PRMT2: variants seen among roughly 807,000 people sequenced by gnomAD.
PRMT2 encodes protein arginine N-methyltransferase 2.
In PRMT2, 26 loss-of-function variants were observed where a neutral mutation model predicts 57.6. The observed-to-expected ratio is 0.45, with a 90% CI of 0.33 to 0.63. PRMT2 has a LOEUF of 0.63. Ranked by LOEUF, PRMT2 falls within the 20% of genes least tolerant of loss-of-function variation. The pLI is 0.02. For missense variants in PRMT2, 472 were observed against 564.4 expected, an observed-to-expected ratio of 0.84 and a Z score of 1.66; for synonymous variants, 219 against 220.0, an observed-to-expected ratio of 1.00 and a Z score of 0.04.
At position 46,660,876 on chromosome 21, in the gene PRMT2, C is replaced by T. The variant is rs763931093; in HGVS notation, c.874C>T (p.His292Tyr). 1.2e-6 allele frequency: 2 copies of T among 1,613,598 alleles called. No homozygotes were observed. Among genetic ancestry groups the T allele is most frequent in the Non-Finnish European group, 1.7e-6 (2 of 1,179,586 alleles). ...KEFFSKPKYN[H>Y]ILKPEDCLSE... Reference sequence around the variant, plus strand: ...GTTTTTTTCAAAGCCCAAGTATAACCACATTTTGAAACCAGAAGACTGTCT... The same window carrying T: ...GTTTTTTTCAAAGCCCAAGTATAACTACATTTTGAAACCAGAAGACTGTCT... The change falls in exon 9 of 12, where the codon CAC becomes TAC. Residue 292 changes from histidine to tyrosine, a missense_variant. Physicochemically the swap from His to Tyr is moderately conservative, Grantham distance 83 (BLOSUM62 2). This residue lies in a region of PRMT2 where 229 missense variants were observed against 217.2 expected (regional missense o/e 1.05). Transcript: ENST00000355680.
At chr21:46,652,880 G>T in intron 7 of PRMT2, 1 of 1,302,438 alleles carries the variant, frequency 7.7e-7, no homozygotes, top group Non-Finnish European at 1.0e-6. Flanking sequence ...CTGAGGCCAC[G>T]CCACGATTTC....
chr21:46,649,491 C>T lies in PRMT2; in HGVS notation c.490-84C>T, dbSNP rs113148636. On this transcript the variant is annotated intron_variant, in intron 6 of 11. Coordinates refer to ENST00000355680, the MANE Select transcript of PRMT2 (RefSeq NM_206962.4). This position sits in a 1 kb window ranked among gnomAD's most constrained non-coding sequence, Gnocchi z 4.8. ...CCCTCTTGTGTCATTGACCATTTCTCGTGATGCTGGTTGTGACTCAGGAGA... is the reference window on the plus strand; with the variant it reads ...CCCTCTTGTGTCATTGACCATTTCTTGTGATGCTGGTTGTGACTCAGGAGA... The T allele has an allele frequency of 3.8e-4, 605 of 1,597,530 alleles. 3 individuals carry two copies. The highest frequency in any genetic ancestry group is 1.8e-3 in the African/African-American group (134 of 74,668).
rs552129038 is a variant in PRMT2, at chr21:46,662,563, C to T, written c.1097+627C>T. The stretch of plus-strand genomic sequence containing the variant: ...GTGGTGGCCCCTCCAGTGCCATCAC[C>T]GGGTGGAGGTGGGCAGCTTGGAGGC... On this transcript the variant is annotated intron_variant, in intron 10 of 11. Transcript: ENST00000355680. Among the ~76,000 whole-genome samples, 12 of 152,274 alleles carry T rather than the reference C, an allele frequency of 7.9e-5. No individual in the cohort carries two copies. The East Asian group carries it at 2.3e-3, about 30-fold the overall frequency.
chr21:46,662,768 G>C (rs537617286), intron 10 of PRMT2, among the ~76,000 whole-genome samples: 4 of 152,190 alleles, frequency 2.6e-5, no homozygotes, highest in Non-Finnish European at 5.9e-5. Flanking sequence ...GAGGAACTTA[G>C]AGATGTTTCC....
At chr21:46,639,522 T>C (rs1414824437) in intron 3 of PRMT2, among the ~76,000 whole-genome samples, 2 of 152,158 alleles carry the variant, frequency 1.3e-5, no homozygotes, top group Non-Finnish European at 2.9e-5. Flanking sequence ...TGTTATTGGG[T>C]GTATATATTT....
At chr21:46,645,635 A>G (rs2061353166) in intron 5 of PRMT2, among the ~76,000 whole-genome samples, 1 of 152,190 alleles carries the variant, frequency 6.6e-6, no homozygotes, top group Non-Finnish European at 1.5e-5. Flanking sequence ...GTTAGTTGAA[A>G]GAAGGAATAG....
intron 8 of PRMT2, chr21:46,659,655 G>A (rs781355843): frequency 2.0e-5 from 20 of 985,332 alleles, no homozygotes; most frequent in Non-Finnish European, 2.4e-5. Context: ...GCCCAGGCTT[G>A]CCTGGCAGTG....
At chr21:46,645,192 T>C (rs556488182) in intron 5 of PRMT2, among the ~76,000 whole-genome samples, 2 of 152,360 alleles carry the variant, frequency 1.3e-5, no homozygotes, top group African/African-American at 2.4e-5. Context: ...GCTCAAGCCT[T>C]GGAGGCCAAG....
intron 8 of PRMT2, 40 bp downstream of exon 8, chr21:46,658,960 C>T (rs754167095): frequency 1.3e-6 from 2 of 1,588,542 alleles, no homozygotes; most frequent in African/African-American, 1.3e-5. Context: ...TCTTGTGGGG[C>T]CTCCTGGTCC....
rs748370714 is a variant in PRMT2 at position 46,663,344 on chromosome 21, T to C, written c.1098-39T>C. ...CCCGAGGGCCATGTGGAGACTGCCC[T>C]AGCTCAGCCTCCAGGTCACACGCAC... is the stretch of plus-strand genomic sequence containing the variant. On this transcript the variant is annotated intron_variant, in intron 10 of 11. Transcript: ENST00000355680. The C allele has an allele frequency of 3.2e-6, 5 of 1,581,574 alleles. No individual in the cohort carries two copies. In the Admixed American group the frequency reaches 5.1e-5, roughly 16 times the overall value.
In PRMT2 at chr21:46,648,947, C is replaced by T. The variant is rs1054213268; in HGVS notation, c.489+328C>T. Among the ~76,000 whole-genome samples the T allele has an allele frequency of 2.0e-5, 3 of 152,202 alleles. No homozygotes were observed. Among genetic ancestry groups the T allele is most frequent in the African/African-American group, 7.2e-5 (3 of 41,444 alleles). On this transcript the variant is annotated intron_variant, in intron 6 of 11. Transcript: ENST00000355680. The surrounding 1 kb of genome is among the most constrained non-coding windows in gnomAD (Gnocchi z 4.8). ...TCAGTTGAGTAGAGAAACACGTGCA[C>T]CCACATGTCTGTGCTGGGCCTTGGG...
chr21:46,660,592 G>A (rs141682263), intron 8 of PRMT2, among the ~76,000 whole-genome samples: 1 of 152,176 alleles, frequency 6.6e-6, no homozygotes, highest in Admixed American at 6.5e-5. Context: ...GCTCCTTAAT[G>A]CCTCCAGGTC....
rs1466133992 is a variant in PRMT2, at chr21:46,644,293, T to G, written c.145-13T>G. 6.3e-7 allele frequency: 1 copy of G among 1,597,024 alleles called. No individual in the cohort carries two copies. The highest frequency in any genetic ancestry group is 8.5e-7 in the Non-Finnish European group (1 of 1,174,486). Reference sequence around the variant, plus strand: ...CTGGTTTTCTTATTGAATTTTAACTTTTTTTTTTCCAGCTCAGTTTTTTGA... The same window carrying G: ...CTGGTTTTCTTATTGAATTTTAACTGTTTTTTTTCCAGCTCAGTTTTTTGA... On this transcript the variant is annotated splice_polypyrimidine_tract_variant and intron_variant, in intron 4 of 11. Coordinates refer to ENST00000355680, the MANE Select transcript of PRMT2 (RefSeq NM_206962.4).
intron 7 of PRMT2, among the ~76,000 whole-genome samples, chr21:46,655,676 T>G (rs1160741356): frequency 6.6e-6 from 1 of 152,216 alleles, no homozygotes; most frequent in Non-Finnish European, 1.5e-5. Flanking sequence ...GAAGTCATTT[T>G]TATATCTTAG....
chr21:46,654,931 T>A (rs1356641520), intron 7 of PRMT2: 3 of 982,936 alleles, frequency 3.1e-6, no homozygotes, highest in African/African-American at 1.8e-5. Flanking sequence ...GTACATAGAG[T>A]GTACATACAT....
chr21:46,659,136 A>G, intron 8 of PRMT2: 1 of 1,273,918 alleles, frequency 7.8e-7, no homozygotes, highest in South Asian at 2.6e-5. Context: ...TGCAAGGAAC[A>G]AAAATTTTCG....
rs1415530981 is a variant in PRMT2, at chr21:46,658,773, A to T, written c.683A>T (p.Tyr228Phe). 1.9e-6 allele frequency: 3 copies of T among 1,614,086 alleles called. No homozygotes were observed. Among genetic ancestry groups the T allele is most frequent in the Middle Eastern group, 1.6e-4 (1 of 6,084 alleles). Residue 228 changes from tyrosine (Y) to phenylalanine (F), a missense_variant, in exon 8 of 12, where the codon TAT (tyrosine) becomes TTT (phenylalanine). Around this residue, in one of 2 missense-constraint regions of PRMT2, gnomAD observed 243 missense variants for 347.2 expected, o/e 0.70. Coordinates refer to ENST00000355680, the MANE Select transcript of PRMT2 (RefSeq NM_206962.4). ...GAGTTCATGATCGAGTCCATCCTGT[A>T]TGCCCGGGATGCCTGGCTGAAGGAG... ...LFEFMIESIL[Y>F]ARDAWLKEDG...
At chr21:46,652,674 G>A in intron 7 of PRMT2, 1 of 985,316 alleles carries the variant, frequency 1.0e-6, no homozygotes, top group Non-Finnish European at 1.2e-6. Flanking sequence ...AGGAAAATAG[G>A]GCAGAATAAG....
At chr21:46,639,189 C>T (rs1467415407) in intron 3 of PRMT2, among the ~76,000 whole-genome samples, 1 of 152,044 alleles carries the variant, frequency 6.6e-6, no homozygotes, top group African/African-American at 2.4e-5. Context: ...GCTTTGATTA[C>T]ATTGGTTAGA....
Sources: gnomAD v4.1 joint callset for allele counts (sites outside exome capture counted in the v4.1 genomes callset) on GRCh38, gnomAD v4.1.1 for gene constraint, gnomAD v4.1.1 regional missense constraint, Gnocchi (gnomAD v3.1) non-coding constraint, MANE v1.5 for transcripts, NCBI Gene and HGNC (gene_info 2026-07-23, HGNC 2026-07-21) for gene names.